SMPD4: variants seen among roughly 807,000 people sequenced by gnomAD.
SMPD4 encodes sphingomyelin phosphodiesterase 4.
A neutral mutation model predicts 97.8 loss-of-function variants in SMPD4; 58 were observed. The ratio of observed to expected loss-of-function variants is 0.59; its 90% CI spans 0.48 to 0.74. The LOEUF (loss-of-function observed/expected upper bound fraction) is 0.74. Among genes scored for constraint, SMPD4 ranks in the 30% least tolerant of loss-of-function variants. The pLI is 0.00. For missense variants in SMPD4, 853 were observed against 1,080.5 expected (o/e 0.79, Z 2.95); for synonymous variants, 388 against 450.0 (o/e 0.86, Z 1.74).
At chr2:130,173,394 A>G in intron 4 of SMPD4, 40 bp from the exon 5 acceptor site, 1 of 1,607,258 alleles carries the variant, frequency 6.2e-7, no homozygotes, top group Non-Finnish European at 8.5e-7. Context: ...AACAGGGCAA[A>G]TGAACTGCGA....
intron 14 of SMPD4, among the ~76,000 whole-genome samples, 197 bp from the exon 15 acceptor site, chr2:130,155,456 G>A (rs919643532): frequency 6.6e-6 from 1 of 152,168 alleles, no homozygotes; most frequent in Non-Finnish European, 1.5e-5. Context: ...GTAAGACCCA[G>A]GCCCTCTGAG....
chr2:130,173,692 A>C (rs1437625049), intron 3 of SMPD4, 36 bp from the exon 4 acceptor site: 1 of 1,613,004 alleles, frequency 6.2e-7, no homozygotes. Context: ...GTGCAGGACC[A>C]GCACCCACTC....
chr2:130,166,471 G>A (rs930708798), intron 9 of SMPD4, among the ~76,000 whole-genome samples: 2 of 152,140 alleles, frequency 1.3e-5, no homozygotes, highest in Non-Finnish European at 2.9e-5. Context: ...GGTCCCCTCT[G>A]TGAACAGGGG....
At chr2:130,181,298 G>T in intron 1 of SMPD4, 1 of 1,410,188 alleles carries the variant, frequency 7.1e-7, no homozygotes, top group South Asian at 1.6e-5. Flanking sequence ...ACACCTACCG[G>T]ACCGGGACAG....
intron 11 of SMPD4, 119 bp from the exon 12 acceptor site, chr2:130,157,515 T>C (rs1686934966): frequency 6.6e-7 from 1 of 1,520,888 alleles, no homozygotes; most frequent in Admixed American, 2.0e-5. Flanking sequence ...ACGGGAGGCA[T>C]GAGCCAGGCC....
intron 11 of SMPD4, 76 bp from the exon 12 acceptor site, chr2:130,157,472 A>T: frequency 1.3e-6 from 2 of 1,584,714 alleles, no homozygotes; most frequent in Non-Finnish European, 1.7e-6. Context: ...GTCTGACCAC[A>T]TCCCGCCCTG....
Position 130,152,627 on chromosome 2 carries a change from G to A in SMPD4, c.2412C>T (p.Leu804=). Reference sequence around the variant, plus strand: ...AGGCGTAGAGGACATAGCCCAGGGTGAGCAGCAGCGTGCATGGGAGGGGCC... The same window carrying A: ...AGGCGTAGAGGACATAGCCCAGGGTAAGCAGCAGCGTGCATGGGAGGGGCC... ...CVGPLPCTLL[L]TLGYVLYASA... The change falls in exon 20 of 20, where the codon CTC becomes CTT. Residue 804 remains leucine, a synonymous_variant. Coordinates refer to ENST00000680298, the MANE Select transcript of SMPD4 (RefSeq NM_017951.5). The A allele has an allele frequency of 6.4e-7, 1 of 1,556,334 alleles. No individual in the cohort carries two copies. Among genetic ancestry groups the A allele is most frequent in the East Asian group, 2.4e-5 (1 of 41,448 alleles).
intron 1 of SMPD4, 144 bp downstream of exon 1, chr2:130,181,386 C>T: frequency 6.9e-7 from 1 of 1,454,982 alleles, no homozygotes; most frequent in South Asian, 1.4e-5. Context: ...GGGCCCTCCA[C>T]TCCCCAGCCT....
chr2:130,158,063 C>T (rs1478574896), intron 11 of SMPD4: 1 of 561,426 alleles, frequency 1.8e-6, no homozygotes, highest in African/African-American at 2.0e-5. Context: ...TCACTTCAGC[C>T]CAGGAGTTTG....
Position 130,153,750 on chromosome 2 carries a change from T to C in SMPD4, c.1845A>G (p.Thr615=). 1 of 1,614,000 alleles carries C rather than the reference T, an allele frequency of 6.2e-7. No individual in the cohort carries two copies. Among genetic ancestry groups the C allele is most frequent in the Non-Finnish European group, 8.5e-7 (1 of 1,179,866 alleles). Residue 615 remains threonine, a synonymous_variant, in exon 17 of 20, where the codon ACA becomes ACG. Transcript: ENST00000680298. The part of the protein sequence containing the change: ...DEMGQDSVRK[T]DEYLEKALEY... ...CCAGGGCCTTCTCCAGGTATTCATC[T>C]GTCTTCCGGACACTGTCTTGCCCCA...
At chr2:130,179,279 C>G (rs1689266720) in intron 1 of SMPD4, among the ~76,000 whole-genome samples, 1 of 150,308 alleles carries the variant, frequency 6.7e-6, no homozygotes, top group East Asian at 2.0e-4. Flanking sequence ...GGCCACCACA[C>G]CCGGCTAATT....
chr2:130,161,729 G>A (rs1280043049), intron 10 of SMPD4, among the ~76,000 whole-genome samples: 1 of 152,144 alleles, frequency 6.6e-6, no homozygotes, highest in African/African-American at 2.4e-5. Context: ...AGAGCCCAGG[G>A]CCCTCACTGG....
chr2:130,181,495 C>A, intron 1 of SMPD4, 35 bp downstream of exon 1: 3 of 1,578,216 alleles, frequency 1.9e-6, no homozygotes, highest in African/African-American at 2.7e-5. Flanking sequence ...CCCAGGGCGC[C>A]GGACCGTCTC....
At chr2:130,159,720 T>G (rs1334686285) in intron 11 of SMPD4, 3 of 151,534 alleles carry the variant, frequency 2.0e-5, no homozygotes, top group African/African-American at 7.3e-5. Flanking sequence ...AGGGCACCAG[T>G]GGGGTGGGAA....
At chr2:130,173,689 A>G in intron 3 of SMPD4, 33 bp from the exon 4 acceptor site, 1 of 1,613,034 alleles carries the variant, frequency 6.2e-7, no homozygotes, top group Non-Finnish European at 8.5e-7. Flanking sequence ...CGCGTGCAGG[A>G]CCAGCACCCA....
In SMPD4 at chr2:130,161,289, A is replaced by G. The variant is rs780437868; in HGVS notation, c.865-17T>C. The G allele has an allele frequency of 6.8e-6, 11 of 1,612,736 alleles. No homozygotes were observed. In the African/African-American group the frequency reaches 1.3e-4, roughly 20 times the overall value. On this transcript the variant is annotated splice_polypyrimidine_tract_variant and intron_variant, in intron 10 of 19. Transcript: ENST00000680298. Reference sequence around the variant, plus strand: ...AACCTCCAGCTGAGATAAGAAACAGAGAGATGCCGGAAGAGGCCGAAGAGC... The same window carrying G: ...AACCTCCAGCTGAGATAAGAAACAGGGAGATGCCGGAAGAGGCCGAAGAGC...
At chr2:130,166,810 T>G (rs1687971492) in intron 9 of SMPD4, among the ~76,000 whole-genome samples, 1 of 152,226 alleles carries the variant, frequency 6.6e-6, no homozygotes, top group Non-Finnish European at 1.5e-5. Context: ...CACCTACTAC[T>G]TGGATCCCCT....
chr2:130,157,168 TG>T, intron 12 of SMPD4, 82 bp downstream of exon 12: 1 of 1,521,918 alleles, frequency 6.6e-7, no homozygotes. Context: ...CTCCATGCCC[TG>T]GGGAGAGGTC....
intron 3 of SMPD4, 37 bp from the exon 4 acceptor site, chr2:130,173,693 G>A (rs372174138): frequency 7.2e-5 from 116 of 1,612,824 alleles, no homozygotes; most frequent in Non-Finnish European, 9.4e-5. Flanking sequence ...TGCAGGACCA[G>A]CACCCACTCC....
Sources: gnomAD v4.1 joint callset for allele counts (sites outside exome capture counted in the v4.1 genomes callset) on GRCh38, gnomAD v4.1.1 for gene constraint, MANE v1.5 for transcripts, NCBI Gene and HGNC (gene_info 2026-07-23, HGNC 2026-07-21) for gene names.